Variants in TNFSF12 observed in about 807,000 individuals in gnomAD.
TNFSF12 encodes the protein tumor necrosis factor ligand superfamily member 12.
TNFSF12 carries 16 observed loss-of-function variants against 31.2 expected under a neutral mutation model. The observed-to-expected ratio is 0.51, with a 90% CI of 0.35 to 0.78. The LOEUF (loss-of-function observed/expected upper bound fraction) is 0.78, where lower values mean the gene tolerates loss of function less well. TNFSF12 is among the 30% of genes least tolerant of loss of function. TNFSF12 has a pLI of 0.01. For missense variants in TNFSF12, 324 were observed against 338.8 expected, an observed-to-expected ratio of 0.96 and a Z score of 0.34; for synonymous variants, 150 against 151.4, an observed-to-expected ratio of 0.99 and a Z score of 0.07.
Position 7,550,085 on chromosome 17 carries a change from G to A in TNFSF12, c.208-35G>A, listed in dbSNP as rs775804428. 8.9e-5 allele frequency: 143 copies of A among 1,613,870 alleles called. No homozygotes were observed. The highest frequency in any genetic ancestry group is 1.1e-4 in the Non-Finnish European group (135 of 1,179,970). On this transcript the variant is annotated intron_variant, in intron 2 of 6. Transcript: ENST00000293825. The surrounding 1 kb of genome is among the most constrained non-coding windows in gnomAD (Gnocchi z 4.4). ...CGTATGTCTCACTTTATATCTCTGG[G>A]AGTCTGTGGTTGAACCCTGCCCTAA...
Position 7,549,319 on chromosome 17 carries a change from C to A in TNFSF12, c.159+7C>A, listed in dbSNP as rs535840017. The A allele has an allele frequency of 1.4e-5, 20 of 1,397,904 alleles. No individual in the cohort carries two copies. In the South Asian group the frequency reaches 2.1e-4, roughly 15 times the overall value. The allele number at this position is 1,397,904 out of a possible 1,614,324, so 86.6% of individuals were successfully genotyped here. ...GGCATCGCTGTCCGCCCAGGTGAGG[C>A]CCCGCTGCGCACCCCTTCTTGGGCA... is the stretch of plus-strand genomic sequence containing the variant. On this transcript the variant is annotated splice_region_variant and intron_variant, in intron 1 of 6. Coordinates refer to ENST00000293825, the MANE Select transcript of TNFSF12 (RefSeq NM_003809.3). This position sits in a 1 kb window ranked among gnomAD's most constrained non-coding sequence, Gnocchi z 4.1.
chr17:7,554,818 C>G (rs1233042982), intron 5 of TNFSF12, among the ~76,000 whole-genome samples: 1 of 150,540 alleles, frequency 6.6e-6, no homozygotes. Flanking sequence ...GGGGTTTCAC[C>G]GTGTTAGCCA....
At position 7,551,104 on chromosome 17, in the gene TNFSF12, GTT is replaced by G. The variant is rs940264798; in HGVS notation, c.373+127_373+128del. ...CAGAAGCCAGTTCATGAAGGTCTTG[GTT>G]CTCTCTGTGACCCAGGCGTGGGACC... On this transcript the variant is annotated intron_variant, in intron 5 of 6. Coordinates refer to ENST00000293825, the MANE Select transcript of TNFSF12 (RefSeq NM_003809.3). 6.6e-6 allele frequency: 10 copies of G among 1,512,590 alleles called. No individual in the cohort carries two copies. The African/African-American group carries it at 1.4e-4, about 21-fold the overall frequency. 93.7% of individuals were successfully genotyped at this position (1,512,590 alleles called of 1,614,324 possible). A position where few individuals can be genotyped will look rare whatever the true frequency, so the allele number is the denominator to read the frequency against.
intron 5 of TNFSF12, 89 bp downstream of exon 5, chr17:7,551,067 G>A (rs2070996855): frequency 5.0e-6 from 8 of 1,597,310 alleles, no homozygotes; most frequent in Non-Finnish European, 6.8e-6. Flanking sequence ...CCGGCCATCA[G>A]TCTCAGAACC....
chr17:7,557,309 G>T lies in TNFSF12; in HGVS notation c.709G>T (p.Ala237Ser), dbSNP rs749341811. 1 of 1,611,886 alleles carries T rather than the reference G, an allele frequency of 6.2e-7. No homozygotes were observed. Among genetic ancestry groups the T allele is most frequent in the South Asian group, 1.1e-5 (1 of 90,908 alleles). Residue 237 changes from alanine to serine, a missense_variant, in exon 7 of 7, where the codon GCC (alanine) becomes TCC (serine). Transcript: ENST00000293825. This position sits in a 1 kb window ranked among gnomAD's most constrained non-coding sequence, Gnocchi z 5.2. ...CCTCCCCTGGGCCCATCTCAAGGCT[G>T]CCCCCTTCCTCACCTACTTCGGACT... ...RTLPWAHLKAAPFLTYFGLFQ... is the reference protein window; with the variant it reads ...RTLPWAHLKASPFLTYFGLFQ...
Position 7,556,921 on chromosome 17 carries a change from C to T in TNFSF12, c.498+19C>T, listed in dbSNP as rs866389472. 6.6e-7 allele frequency: 1 copy of T among 1,522,828 alleles called. No individual in the cohort carries two copies. Among genetic ancestry groups the T allele is most frequent in the Non-Finnish European group, 8.8e-7 (1 of 1,133,634 alleles). 94.3% of individuals were successfully genotyped at this position (1,522,828 alleles called of 1,614,324 possible). A position where few individuals can be genotyped will look rare whatever the true frequency, so the allele number is the denominator to read the frequency against. Reference sequence around the variant, plus strand: ...CTGTCAGGTAAGCCCCATCTGGCTGCATGGGTAACGCAGTAAGAGAGTGGC... The same window carrying T: ...CTGTCAGGTAAGCCCCATCTGGCTGTATGGGTAACGCAGTAAGAGAGTGGC... On this transcript the variant is annotated intron_variant, in intron 6 of 6. Transcript: ENST00000293825.
In TNFSF12 at chr17:7,550,760, A is replaced by G; in HGVS notation, c.284-39A>G. 1 of 1,593,310 alleles carries G rather than the reference A, an allele frequency of 6.3e-7. No homozygotes were observed. Among genetic ancestry groups the G allele is most frequent in the Non-Finnish European group, 8.6e-7 (1 of 1,163,344 alleles). ...GGAGAGTTGCTCTGGGACCCCCACT[A>G]GGGCCCGCTTTGCTCATCTGTCTTT... On this transcript the variant is annotated intron_variant, in intron 3 of 6. Transcript: ENST00000293825. The surrounding 1 kb of genome is among the most constrained non-coding windows in gnomAD (Gnocchi z 4.4).
At chr17:7,556,727 G>A (rs372223009) in intron 5 of TNFSF12, 51 bp from the exon 6 acceptor site, 1 of 1,434,734 alleles carries the variant, frequency 7.0e-7, no homozygotes, top group African/African-American at 1.4e-5. Context: ...TGGGGAGTGT[G>A]GGGGAGTCCT....
chr17:7,556,156 T>C (rs1046738682), intron 5 of TNFSF12, among the ~76,000 whole-genome samples: 1 of 151,868 alleles, frequency 6.6e-6, no homozygotes, highest in Non-Finnish European at 1.5e-5. Flanking sequence ...AGTTTTTGTA[T>C]TTTTAGTAGA....
chr17:7,551,047 C>T (rs1220204416), intron 5 of TNFSF12, 69 bp downstream of exon 5: 5 of 1,607,524 alleles, frequency 3.1e-6, no homozygotes, highest in Non-Finnish European at 4.2e-6. Flanking sequence ...TTTGACCTCC[C>T]ACTCCCTTCC....
chr17:7,551,351 G>A (rs779109042), intron 5 of TNFSF12, among the ~76,000 whole-genome samples: 8 of 151,572 alleles, frequency 5.3e-5, no homozygotes, highest in Non-Finnish European at 8.8e-5. Context: ...CCTCAGCACC[G>A]TGACCTCAGA....
In TNFSF12 at chr17:7,554,693, C is replaced by T. The variant is rs144786622; in HGVS notation, c.374-2085C>T. On this transcript the variant is annotated intron_variant, in intron 5 of 6. Transcript: ENST00000293825. Reference sequence around the variant, plus strand: ...GGAGTGCAGTGGCGCCATCTCGGCTCACTGCAGCCTTCTCGGGTTCAAGTG... The same window carrying T: ...GGAGTGCAGTGGCGCCATCTCGGCTTACTGCAGCCTTCTCGGGTTCAAGTG... Among the ~76,000 whole-genome samples, 993 of 149,412 alleles carry T rather than the reference C, an allele frequency of 6.6e-3. 9 individuals carry two copies. Among genetic ancestry groups the T allele is most frequent in the African/African-American group, 0.023 (939 of 40,528 alleles).
Position 7,557,078 on chromosome 17 carries a change from G to A in TNFSF12, c.499-21G>A, listed in dbSNP as rs376426710. On this transcript the variant is annotated intron_variant, in intron 6 of 6. Transcript: ENST00000293825. The surrounding 1 kb of genome is among the most constrained non-coding windows in gnomAD (Gnocchi z 5.2). ...CGAGGGCAGGCAGAGGCCTGGACTC[G>A]GCCTGTTGTCCCCACCCCAGGTGCA... is the stretch of plus-strand genomic sequence containing the variant. 1.1e-4 allele frequency: 178 copies of A among 1,599,850 alleles called. No individual in the cohort carries two copies. The East Asian group carries it at 1.6e-3, about 14-fold the overall frequency.
intron 5 of TNFSF12, 140 bp from the exon 6 acceptor site, chr17:7,556,638 G>A: frequency 6.9e-6 from 9 of 1,303,552 alleles, no homozygotes; most frequent in Non-Finnish European, 8.9e-6. Context: ...CATAGGGGAT[G>A]GGTCCTCCCT....
intron 5 of TNFSF12, among the ~76,000 whole-genome samples, chr17:7,555,755 G>T (rs887324984): frequency 1.3e-5 from 2 of 151,972 alleles, no homozygotes; most frequent in Non-Finnish European, 1.5e-5. Flanking sequence ...ATATCCCCCT[G>T]GTGGCAAAAC....
intron 5 of TNFSF12, 96 bp from the exon 6 acceptor site, chr17:7,556,682 G>A: frequency 7.4e-7 from 1 of 1,356,324 alleles, no homozygotes; most frequent in East Asian, 2.7e-5. Flanking sequence ...TCTGGGTAAA[G>A]TGGGCGCCGA....
chr17:7,557,159 C>T lies in TNFSF12; in HGVS notation c.559C>T (p.Leu187=). ...GCTGGACTTGCTGGTGGATGGTGTG[C>T]TGGCCCTGCGCTGCCTGGAGGAATT... The part of the protein sequence containing the change: ...LKLDLLVDGV[L]ALRCLEEFSA... Residue 187 remains leucine, a synonymous_variant, in exon 7 of 7, where the codon CTG becomes TTG. Transcript: ENST00000293825. This position sits in a 1 kb window ranked among gnomAD's most constrained non-coding sequence, Gnocchi z 5.2. 6.2e-7 allele frequency: 1 copy of T among 1,613,792 alleles called. No individual in the cohort carries two copies. The highest frequency in any genetic ancestry group is 8.5e-7 in the Non-Finnish European group (1 of 1,179,980).
At chr17:7,555,521 G>GGAGGAAGGCGAGGC (rs2071051135) in intron 5 of TNFSF12, among the ~76,000 whole-genome samples, 1 of 152,228 alleles carries the variant, frequency 6.6e-6, no homozygotes, top group Non-Finnish European at 1.5e-5. Context: ...GCCATCGGAA[G>GGAGGAAGGCGAGGC]GAGGAAGGCG....
chr17:7,555,980 T>G (rs12940523), intron 5 of TNFSF12, among the ~76,000 whole-genome samples: 86 of 31,242 alleles, frequency 2.8e-3, no homozygotes, highest in South Asian at 4.7e-3. Context: ...AGCGTTTTTT[T>G]TGTTTTTTTT....
Sources: gnomAD v4.1 joint callset for allele counts (sites outside exome capture counted in the v4.1 genomes callset) on GRCh38, gnomAD v4.1.1 for gene constraint, Gnocchi (gnomAD v3.1) non-coding constraint, MANE v1.5 for transcripts, NCBI Gene and HGNC (gene_info 2026-07-23, HGNC 2026-07-21) for gene names.